HORMAD2: variants seen among roughly 807,000 people sequenced by gnomAD.
HORMAD2 encodes the protein HORMA domain-containing protein 2.
In HORMAD2, 45 loss-of-function variants were observed where a neutral mutation model predicts 38.8. The observed-to-expected ratio is 1.16, with a 90% CI of 0.91 to 1.49. The LOEUF (loss-of-function observed/expected upper bound fraction) is 1.49, where lower values mean the gene tolerates loss of function less well. Ranked by LOEUF, HORMAD2 falls within the 40% of genes most tolerant of loss-of-function variation. HORMAD2 has a pLI of 0.00. For synonymous variants in HORMAD2, 126 were observed against 122.8 expected (o/e 1.03, Z -0.17); for missense variants, 338 against 367.0 (o/e 0.92, Z 0.65).
intron 10 of HORMAD2, among the ~76,000 whole-genome samples, chr22:30,167,405 C>T (rs1925853379): frequency 6.6e-6 from 1 of 152,074 alleles, no homozygotes; most frequent in South Asian, 2.1e-4. Flanking sequence ...TTTTAGTGTA[C>T]CACAAATATC....
At chr22:30,203,772 A>G in the HORMAD2 span, among the ~76,000 whole-genome samples, 3 of 152,222 alleles carry the variant, frequency 2.0e-5, no homozygotes, top group African/African-American at 7.2e-5. Flanking sequence ...TCCCTCACGC[A>G]TGGCTATAAG....
Position 30,176,374 on chromosome 22 carries a change from G to A in HORMAD2, c.*207G>A. The A allele has an allele frequency of 2.0e-6, 1 of 512,522 alleles. No homozygotes were observed. Among genetic ancestry groups the A allele is most frequent in the East Asian group, 3.3e-5 (1 of 30,686 alleles). The allele number at this position is 512,522 out of a possible 1,614,324, so 31.7% of individuals were successfully genotyped here. On this transcript the variant is annotated 3_prime_UTR_variant, in exon 11 of 11. Coordinates refer to ENST00000336726, the MANE Select transcript of HORMAD2 (RefSeq NM_152510.4). ...GCCATAAGGAAAGCGGGTCAATAGG[G>A]CTGCCTCTGGATAGCATTACTTCAA...
At chr22:30,078,947 G>A (rs1266345570), upstream of HORMAD2, among the ~76,000 whole-genome samples, 1 of 151,326 alleles carries the variant, frequency 6.6e-6, no homozygotes, top group Non-Finnish European at 1.5e-5. Context: ...TCAACAGAGG[G>A]CAATTTTGCA....
intron 3 of HORMAD2, among the ~76,000 whole-genome samples, chr22:30,101,629 C>T (rs1380954083): frequency 6.6e-6 from 1 of 150,554 alleles, no homozygotes; most frequent in Non-Finnish European, 1.5e-5. Context: ...GTTGACTTGT[C>T]ACTAAAATAG....
chr22:30,154,949 A>G (rs1924972547), intron 10 of HORMAD2, among the ~76,000 whole-genome samples: 1 of 152,158 alleles, frequency 6.6e-6, no homozygotes, highest in South Asian at 2.1e-4. Context: ...ACGTGTCTGT[A>G]GTCCTAGTTA....
chr22:30,111,902 T>A (rs908792662), intron 6 of HORMAD2, 86 bp downstream of exon 6: 3 of 972,592 alleles, frequency 3.1e-6, no homozygotes, highest in Non-Finnish European at 4.5e-6. Flanking sequence ...GTACTCTCCC[T>A]CTTCCTCCCT....
the HORMAD2 span, among the ~76,000 whole-genome samples, chr22:30,189,737 C>G: frequency 1.6e-4 from 25 of 152,248 alleles, no homozygotes; most frequent in Non-Finnish European, 3.1e-4. Context: ...CCAAGACATA[C>G]TGATCAGTTA....
intron 5 of HORMAD2, among the ~76,000 whole-genome samples, chr22:30,108,917 T>TCTCTTTCTCTCCCTCC (rs1921415054): frequency 6.7e-6 from 1 of 150,220 alleles, no homozygotes; most frequent in Non-Finnish European, 1.5e-5. Flanking sequence ...TCTCTCGCTC[T>TCTCTTTCTCTCCCTCC]CTCTTTCTCT....
At chr22:30,111,736 A>C (rs1477184701) in intron 5 of HORMAD2, 60 bp from the exon 6 acceptor site, 2 of 1,311,154 alleles carry the variant, frequency 1.5e-6, no homozygotes, top group Non-Finnish European at 2.1e-6. Flanking sequence ...TCTATTGAAA[A>C]GAATGATAAT....
At position 30,111,696 on chromosome 22, in the gene HORMAD2, C is replaced by T. The variant is rs766647456; in HGVS notation, c.295-100C>T. Reference sequence around the variant, plus strand: ...ATATTTTTTTCCTACCCAAATCTTTCGAACCTCTCTGAAATAATATTTTAA... The same window carrying T: ...ATATTTTTTTCCTACCCAAATCTTTTGAACCTCTCTGAAATAATATTTTAA... On this transcript the variant is annotated intron_variant, in intron 5 of 10. Coordinates refer to ENST00000336726, the MANE Select transcript of HORMAD2 (RefSeq NM_152510.4). 3.9e-5 allele frequency: 38 copies of T among 986,390 alleles called. 1 individual carries two copies. The highest frequency in any genetic ancestry group is 2.6e-4 in the South Asian group (15 of 56,662). The allele number at this position is 986,390 out of a possible 1,614,324, so 61.1% of individuals were successfully genotyped here. A position where few individuals can be genotyped will look rare whatever the true frequency, so the allele number is the denominator to read the frequency against.
intron 10 of HORMAD2, among the ~76,000 whole-genome samples, chr22:30,123,197 G>A (rs1483038219): frequency 6.6e-6 from 1 of 152,046 alleles, no homozygotes; most frequent in African/African-American, 2.4e-5. Context: ...GTGCTTTCTC[G>A]ATGTTAGACA....
intron 1 of HORMAD2, among the ~76,000 whole-genome samples, chr22:30,092,345 C>CTTTTTTT (rs34673975): frequency 1.3e-4 from 14 of 107,942 alleles, no homozygotes; most frequent in South Asian, 3.0e-4. Context: ...AGATCCTTTG[C>CTTTTTTT]TTTTTTTTTT....
chr22:30,168,123 C>T (rs1925895338), intron 10 of HORMAD2, among the ~76,000 whole-genome samples: 1 of 152,176 alleles, frequency 6.6e-6, no homozygotes. Flanking sequence ...TTTTACAAAT[C>T]TATGATCAAC....
At chr22:30,082,795 CAAA>C (rs200117496) in intron 1 of HORMAD2, among the ~76,000 whole-genome samples, 9 of 86,342 alleles carry the variant, frequency 1.0e-4, no homozygotes, top group Admixed American at 2.2e-4. Context: ...TACTCTGTCT[CAAA>C]AAAAAAAAAA....
At chr22:30,114,312 A>G (rs1921881487) in intron 7 of HORMAD2, among the ~76,000 whole-genome samples, 1 of 152,214 alleles carries the variant, frequency 6.6e-6, no homozygotes. Context: ...TTACTAAAAA[A>G]TTCAGTAGCA....
intron 10 of HORMAD2, among the ~76,000 whole-genome samples, chr22:30,163,600 G>T (rs997439644): frequency 1.5e-4 from 22 of 151,384 alleles, no homozygotes; most frequent in Admixed American, 9.9e-4. Flanking sequence ...CTAATTTTTT[G>T]TATTTTTTGT....
At chr22:30,149,960 T>C (rs1924646845) in intron 10 of HORMAD2, among the ~76,000 whole-genome samples, 2 of 152,338 alleles carry the variant, frequency 1.3e-5, no homozygotes, top group African/African-American at 4.8e-5. Flanking sequence ...TATTATTTGC[T>C]TTTTCCTCAG....
intron 1 of HORMAD2, among the ~76,000 whole-genome samples, chr22:30,091,549 A>C (rs2068687123): frequency 6.6e-6 from 1 of 152,054 alleles, no homozygotes; most frequent in Non-Finnish European, 1.5e-5. Context: ...TACAGACATG[A>C]GCTGCCACCC....
At chr22:30,090,593 G>A (rs115170089) in intron 1 of HORMAD2, among the ~76,000 whole-genome samples, 396 of 152,200 alleles carry the variant, frequency 2.6e-3, no homozygotes, top group African/African-American at 9.2e-3. Flanking sequence ...TGGTAATTCT[G>A]TTTAACTTTT....
Sources: allele counts gnomAD v4.1 joint callset (sites outside exome capture counted in the v4.1 genomes callset), GRCh38; gene constraint gnomAD v4.1.1; transcripts MANE v1.5; gene names NCBI Gene and HGNC (gene_info 2026-07-23, HGNC 2026-07-21).